Variants in MACF1 observed in about 807,000 individuals in gnomAD.
MACF1 encodes microtubule actin crosslinking factor 1.
A neutral mutation model predicts 854.8 loss-of-function variants in MACF1; 193 were observed. The ratio of observed to expected loss-of-function variants is 0.23; its 90% CI spans 0.20 to 0.25. The LOEUF is 0.25. Among genes scored for constraint, MACF1 ranks in the 10% least tolerant of loss-of-function variants. The pLI is 1.00. For missense variants in MACF1, 7,722 were observed against 8,929.1 expected (o/e 0.86, Z 5.45); for synonymous variants, 3,185 against 3,226.7 (o/e 0.99, Z 0.44).
intron 13 of MACF1, 77 bp downstream of exon 13, chr1:39,285,467 T>C (rs1645624274): frequency 6.4e-7 from 1 of 1,570,106 alleles, no homozygotes; most frequent in Non-Finnish European, 8.7e-7. Flanking sequence ...ATTGTTGAAG[T>C]TAGCAATCGA....
intron 22 of MACF1, among the ~76,000 whole-genome samples, chr1:39,301,008 C>G (rs1646028363): frequency 6.6e-6 from 1 of 151,882 alleles, no homozygotes; most frequent in South Asian, 2.1e-4. Context: ...GAGTGAAACT[C>G]TGTCTCAAAA....
At chr1:39,358,640 C>A (rs1285065977) in intron 45 of MACF1, 57 bp from the exon 46 acceptor site, 11 of 1,552,444 alleles carry the variant, frequency 7.1e-6, no homozygotes, top group Non-Finnish European at 9.7e-6. Flanking sequence ...CTTTGGGCAG[C>A]TGCTGCCTTT....
chr1:39,312,270 C>A (rs1042489405), intron 26 of MACF1, among the ~76,000 whole-genome samples: 9 of 152,112 alleles, frequency 5.9e-5, no homozygotes, highest in African/African-American at 2.2e-4. Flanking sequence ...CTTTTTAAAA[C>A]TTTATTTTAA....
intron 2 of MACF1, among the ~76,000 whole-genome samples, chr1:39,175,693 C>T (rs1333227063): frequency 2.0e-5 from 3 of 152,112 alleles, no homozygotes; most frequent in Non-Finnish European, 4.4e-5. Flanking sequence ...TGGCTCACAC[C>T]TATAATCCCA....
At chr1:39,178,576 A>ATT (rs1644063476) in intron 2 of MACF1, among the ~76,000 whole-genome samples, 2 of 152,136 alleles carry the variant, frequency 1.3e-5, no homozygotes, top group Non-Finnish European at 1.5e-5. Context: ...CATGCGGGTC[A>ATT]CTGAGGTTTA....
In MACF1 at chr1:39,452,701, C is replaced by T. The variant is rs138718991; in HGVS notation, c.20631C>T (p.Asp6877=). 1 of 1,613,174 alleles carries T rather than the reference C, an allele frequency of 6.2e-7. No individual in the cohort carries two copies. Among genetic ancestry groups the T allele is most frequent in the Non-Finnish European group, 8.5e-7 (1 of 1,180,010 alleles). ...QALKQAEVFR[D]TVHMLLEWLS... is the part of the protein sequence containing the mutation. ...TATTTCAGGCGGAAGTGTTTCGAGACACAGTCCACATGCTGTTGGAGTGGC... is the reference window on the plus strand; with the variant it reads ...TATTTCAGGCGGAAGTGTTTCGAGATACAGTCCACATGCTGTTGGAGTGGC... Residue 6877 remains aspartate, a synonymous_variant, in exon 87 of 101, where the codon GAC becomes GAT. Transcript: ENST00000564288.
At chr1:39,470,223 G>C (rs1366130745) in intron 97 of MACF1, among the ~76,000 whole-genome samples, 1 of 152,212 alleles carries the variant, frequency 6.6e-6, no homozygotes, top group East Asian at 1.9e-4. Context: ...TGAGGACAGA[G>C]CTAAAGATAG....
chr1:39,148,677 A>C (rs2148193177), intron 2 of MACF1, among the ~76,000 whole-genome samples: 1 of 152,314 alleles, frequency 6.6e-6, no homozygotes, highest in Admixed American at 6.5e-5. Flanking sequence ...GATGCATTGC[A>C]CTTGAGACAG....
At chr1:39,167,579 G>A (rs2148216636) in intron 2 of MACF1, among the ~76,000 whole-genome samples, 1 of 152,160 alleles carries the variant, frequency 6.6e-6, no homozygotes, top group East Asian at 1.9e-4. Flanking sequence ...GGTGGTGCAT[G>A]CCTGTAATCC....
chr1:39,284,459 G>A (rs752058177), intron 11 of MACF1, 31 bp downstream of exon 11: 17 of 1,448,378 alleles, frequency 1.2e-5, no homozygotes, highest in Non-Finnish European at 1.6e-5. Flanking sequence ...CTGAGACTTG[G>A]GGTTTGCTGG....
chr1:39,323,518 T>A (rs1003790723), intron 33 of MACF1, among the ~76,000 whole-genome samples: 1 of 151,616 alleles, frequency 6.6e-6, no homozygotes, highest in Non-Finnish European at 1.5e-5. Context: ...ATAATTATGA[T>A]TTCATTAAAA....
chr1:39,407,796 CA>C (rs1204723291), intron 58 of MACF1, among the ~76,000 whole-genome samples: 1 of 152,162 alleles, frequency 6.6e-6, no homozygotes, highest in Non-Finnish European at 1.5e-5. Context: ...ATAACTTTTC[CA>C]TAAGTTTTGC....
chr1:39,398,290 T>C (rs1642351816), intron 58 of MACF1, among the ~76,000 whole-genome samples: 1 of 152,062 alleles, frequency 6.6e-6, no homozygotes, highest in Admixed American at 6.6e-5. Context: ...AGGTGCATGC[T>C]GCCATTCCTG....
chr1:39,150,729 TCTTA>T (rs1643562169), intron 2 of MACF1, among the ~76,000 whole-genome samples: 8 of 152,206 alleles, frequency 5.3e-5, no homozygotes, highest in Admixed American at 5.2e-4. Flanking sequence ...TCAGCTCTGA[TCTTA>T]CTTGACCTTT....
intron 21 of MACF1, among the ~76,000 whole-genome samples, chr1:39,298,276 G>C (rs761138472): frequency 6.6e-6 from 1 of 152,126 alleles, no homozygotes; most frequent in Non-Finnish European, 1.5e-5. Context: ...TATTTGTGCA[G>C]TTATTTATGA....
intron 6 of MACF1, among the ~76,000 whole-genome samples, chr1:39,264,822 C>T (rs570875395): frequency 7.3e-5 from 11 of 151,684 alleles, no homozygotes; most frequent in Admixed American, 3.3e-4. Context: ...TACAGGCGCC[C>T]GCCACCGCGC....
At chr1:39,149,389 A>G (rs1643528459) in intron 2 of MACF1, among the ~76,000 whole-genome samples, 1 of 151,924 alleles carries the variant, frequency 6.6e-6, no homozygotes, top group South Asian at 2.1e-4. Context: ...CAGGCATGGC[A>G]GTGCGTGCCT....
chr1:39,313,806 G>A (rs908103877), intron 26 of MACF1, among the ~76,000 whole-genome samples: 25 of 151,872 alleles, frequency 1.6e-4, no homozygotes, highest in African/African-American at 5.8e-4. Flanking sequence ...ATAGAGATGA[G>A]GTCTCACTAT....
chr1:39,260,165 G>T (rs1010930908), intron 6 of MACF1, among the ~76,000 whole-genome samples: 1 of 151,984 alleles, frequency 6.6e-6, no homozygotes, highest in Non-Finnish European at 1.5e-5. Flanking sequence ...AGGCTTTCAA[G>T]TTGACTCTGA....
Sources: allele counts gnomAD v4.1 joint callset (sites outside exome capture counted in the v4.1 genomes callset), GRCh38; gene constraint gnomAD v4.1.1; transcripts MANE v1.5; gene names NCBI Gene and HGNC (gene_info 2026-07-23, HGNC 2026-07-21).